Variants in CAMKMT observed in about 807,000 individuals in gnomAD.
The protein encoded by CAMKMT is CaM KMT.
CAMKMT carries 53 observed loss-of-function variants against 48.0 expected under a neutral mutation model. The observed-to-expected ratio is 1.10, with a 90% CI of 0.89 to 1.39. The LOEUF (loss-of-function observed/expected upper bound fraction) is 1.39. Among genes scored for constraint, CAMKMT ranks in the 40% most tolerant of loss-of-function variants. The pLI, the probability that CAMKMT is intolerant of heterozygous loss-of-function variation, is 0.00. For missense variants in CAMKMT, 428 were observed against 402.7 expected, an observed-to-expected ratio of 1.06 and a Z score of -0.54; for synonymous variants, 165 against 152.3, an observed-to-expected ratio of 1.08 and a Z score of -0.61.
At chr2:44,620,694 C>G (rs1263622126) in intron 3 of CAMKMT, among the ~76,000 whole-genome samples, 2 of 152,198 alleles carry the variant, frequency 1.3e-5, no homozygotes, top group African/African-American at 4.8e-5. Flanking sequence ...TTTCACACTT[C>G]TTCCTTACTC....
chr2:44,467,211 C>T (rs1472204171), intron 3 of CAMKMT, among the ~76,000 whole-genome samples: 2 of 151,836 alleles, frequency 1.3e-5, no homozygotes, highest in African/African-American at 2.4e-5. Flanking sequence ...GAGCTGTGAT[C>T]ATGACACTGT....
chr2:44,402,740 G>GTTTTTTTTTTTTTTTTTTTTTTTTTTT, intron 3 of CAMKMT, among the ~76,000 whole-genome samples: 40 of 94,060 alleles, frequency 4.3e-4, no homozygotes, highest in Non-Finnish European at 6.2e-4. Context: ...TTGTTTTGCT[G>GTTTTTTTTTTTTTTTTTTTTTTTTTTT]TTTTTTTTTT....
intron 3 of CAMKMT, among the ~76,000 whole-genome samples, chr2:44,447,663 T>C (rs149619615): frequency 9.8e-5 from 15 of 152,372 alleles, no homozygotes; most frequent in African/African-American, 3.6e-4. Context: ...CAGTAACCCA[T>C]GTACTACTTC....
At chr2:44,374,759 A>G (rs1231818558) in intron 2 of CAMKMT, among the ~76,000 whole-genome samples, 1 of 152,222 alleles carries the variant, frequency 6.6e-6, no homozygotes, top group African/African-American at 2.4e-5. Flanking sequence ...GTATATCTAT[A>G]CAAATATGAC....
At chr2:44,580,737 G>A (rs1669509906) in intron 3 of CAMKMT, among the ~76,000 whole-genome samples, 1 of 152,132 alleles carries the variant, frequency 6.6e-6, no homozygotes. Flanking sequence ...GTATCATCAT[G>A]AATGTTGTTA....
In CAMKMT at chr2:44,370,986, A is replaced by C. The variant is rs539132835; in HGVS notation, c.139-1730A>C. On this transcript the variant is annotated intron_variant, in intron 1 of 10. Transcript: ENST00000378494. ...CCACCACATCCTACTAATTATTTTTATTTTAAAATTTTTTTGAGGCAGAGT... is the reference window on the plus strand; with the variant it reads ...CCACCACATCCTACTAATTATTTTTCTTTTAAAATTTTTTTGAGGCAGAGT... 2.8e-4 allele frequency among the ~76,000 whole-genome samples: 43 copies of C among 152,064 alleles called. 2 individuals are homozygous for C. Among genetic ancestry groups the C allele is most frequent in the Admixed American group, 2.8e-3 (42 of 15,254 alleles).
At chr2:44,703,109 T>C (rs1193831205) in intron 3 of CAMKMT, among the ~76,000 whole-genome samples, 1 of 152,142 alleles carries the variant, frequency 6.6e-6, no homozygotes, top group Admixed American at 6.6e-5. Flanking sequence ...TTGAGTTTGA[T>C]TAATTGGGGG....
At position 44,683,558 on chromosome 2, in the gene CAMKMT, C is replaced by T. The variant is rs550916345; in HGVS notation, c.377-20725C>T. 3.4e-3 allele frequency among the ~76,000 whole-genome samples: 514 copies of T among 152,274 alleles called. 1 individual carries two copies. The highest frequency in any genetic ancestry group is 5.7e-3 in the Non-Finnish European group (390 of 68,018). On this transcript the variant is annotated intron_variant, in intron 3 of 10. Coordinates refer to ENST00000378494, the MANE Select transcript of CAMKMT (RefSeq NM_024766.5). ...TAACGAGGCAGGGCGCGGTGGCTCA[C>T]GCCTATAATCCCAGCACTTTGGGAG...
At chr2:44,712,765 A>G (rs999882489) in intron 6 of CAMKMT, among the ~76,000 whole-genome samples, 3 of 152,140 alleles carry the variant, frequency 2.0e-5, no homozygotes, top group South Asian at 2.1e-4. Flanking sequence ...TGTGTTGAAC[A>G]CTATCCTGGA....
chr2:44,762,233 A>T (rs1680648079), intron 9 of CAMKMT, among the ~76,000 whole-genome samples: 1 of 152,224 alleles, frequency 6.6e-6, no homozygotes, highest in Non-Finnish European at 1.5e-5. Flanking sequence ...CACATCTGTA[A>T]TCCCAACACT....
At chr2:44,650,727 G>C (rs1439432989) in intron 3 of CAMKMT, among the ~76,000 whole-genome samples, 2 of 152,064 alleles carry the variant, frequency 1.3e-5, no homozygotes, top group African/African-American at 2.4e-5. Context: ...GTGTTAAAGA[G>C]TTAAATATTT....
At chr2:44,599,683 C>T (rs1333810271) in intron 3 of CAMKMT, among the ~76,000 whole-genome samples, 1 of 151,868 alleles carries the variant, frequency 6.6e-6, no homozygotes, top group Non-Finnish European at 1.5e-5. Flanking sequence ...GAAATGGGAA[C>T]TTAGGGCTTA....
At chr2:44,725,130 C>T (rs1181127700) in intron 7 of CAMKMT, among the ~76,000 whole-genome samples, 1 of 139,726 alleles carries the variant, frequency 7.2e-6, no homozygotes, top group African/African-American at 2.7e-5. Flanking sequence ...ACAGCATTGT[C>T]TTGCTTTCTG....
At chr2:44,612,425 A>T (rs1671650392) in intron 3 of CAMKMT, among the ~76,000 whole-genome samples, 1 of 152,210 alleles carries the variant, frequency 6.6e-6, no homozygotes, top group Non-Finnish European at 1.5e-5. Flanking sequence ...TATTGACTAA[A>T]TGCAGCACTT....
chr2:44,443,408 A>C (rs1666790490), intron 3 of CAMKMT, among the ~76,000 whole-genome samples: 1 of 152,052 alleles, frequency 6.6e-6, no homozygotes, highest in Non-Finnish European at 1.5e-5. Context: ...TATTAATATC[A>C]CTGCAGCATG....
chr2:44,770,341 G>T (rs1681050970), intron 10 of CAMKMT, among the ~76,000 whole-genome samples: 1 of 152,222 alleles, frequency 6.6e-6, no homozygotes. Context: ...CTGGCCCCTG[G>T]CCCCTTTCAG....
At chr2:44,523,769 C>CT (rs1671251884) in intron 3 of CAMKMT, among the ~76,000 whole-genome samples, 1 of 128,786 alleles carries the variant, frequency 7.8e-6, no homozygotes, top group Non-Finnish European at 1.6e-5. Context: ...AGAGAGCGAG[C>CT]ATTTTTTTTT....
At chr2:44,485,081 C>T (rs976677955) in intron 3 of CAMKMT, among the ~76,000 whole-genome samples, 4 of 152,094 alleles carry the variant, frequency 2.6e-5, no homozygotes, top group Admixed American at 2.0e-4. Context: ...TTGATAATAA[C>T]GTTGAGCAAT....
chr2:44,429,933 A>G (rs971226597), intron 3 of CAMKMT, among the ~76,000 whole-genome samples: 2 of 151,716 alleles, frequency 1.3e-5, no homozygotes, highest in Non-Finnish European at 2.9e-5. Flanking sequence ...GATTATATAT[A>G]TGTGTATATA....
Sources: allele counts gnomAD v4.1 joint callset (sites outside exome capture counted in the v4.1 genomes callset), GRCh38; gene constraint gnomAD v4.1.1; transcripts MANE v1.5; gene names NCBI Gene and HGNC (gene_info 2026-07-23, HGNC 2026-07-21).